Variants in PDLIM5 observed in about 807,000 individuals in gnomAD.
The protein encoded by PDLIM5 is PDZ and LIM domain protein 5.
A neutral mutation model predicts 64.2 loss-of-function variants in PDLIM5; 34 were observed. That is an observed-to-expected ratio of 0.53 (90% confidence interval 0.40 to 0.71). The LOEUF is 0.71. Among genes scored for constraint, PDLIM5 ranks in the 30% least tolerant of loss-of-function variants. The pLI, the probability that PDLIM5 is intolerant of heterozygous loss-of-function variation, is 0.00. For missense variants in PDLIM5, 683 were observed against 733.6 expected, an observed-to-expected ratio of 0.93 and a Z score of 0.80; for synonymous variants, 253 against 269.1, an observed-to-expected ratio of 0.94 and a Z score of 0.59.
chr4:94,452,950 C>G (rs1445491854), intron 1 of PDLIM5, among the ~76,000 whole-genome samples: 1 of 152,208 alleles, frequency 6.6e-6, no homozygotes, highest in Non-Finnish European at 1.5e-5. Flanking sequence ...CATTCTCTCT[C>G]CATTGCGGGG....
chr4:94,569,200 T>G (rs564510719), intron 3 of PDLIM5, among the ~76,000 whole-genome samples: 17 of 152,186 alleles, frequency 1.1e-4, no homozygotes, highest in Non-Finnish European at 2.1e-4. Flanking sequence ...TGACACTGAT[T>G]TTAGAAATTC....
chr4:94,526,242 T>C (rs1198294328), intron 3 of PDLIM5, among the ~76,000 whole-genome samples: 1 of 152,170 alleles, frequency 6.6e-6, no homozygotes, highest in African/African-American at 2.4e-5. Flanking sequence ...CCCATAAGAG[T>C]AGATAAAAAC....
chr4:94,461,201 T>G (rs138045976), intron 2 of PDLIM5, among the ~76,000 whole-genome samples: 1 of 152,352 alleles, frequency 6.6e-6, no homozygotes, highest in African/African-American at 2.4e-5. Context: ...GAATTATGTT[T>G]CAACTTTGGC....
chr4:94,624,790 C>G (rs894259848), intron 8 of PDLIM5, among the ~76,000 whole-genome samples: 2 of 152,058 alleles, frequency 1.3e-5, no homozygotes, highest in Admixed American at 1.3e-4. Flanking sequence ...TGTCTAGTGG[C>G]CCAGAGAGAA....
intron 7 of PDLIM5, chr4:94,587,130 CT>C (rs5860367): frequency 0.037 from 41,716 of 1,133,798 alleles, 948 homozygotes; most frequent in East Asian, 0.19. Flanking sequence ...TTTTCATTTA[CT>C]TTTTTTTTTT....
intron 7 of PDLIM5, among the ~76,000 whole-genome samples, chr4:94,590,416 G>A (rs1205324606): frequency 6.6e-6 from 1 of 152,112 alleles, no homozygotes; most frequent in African/African-American, 2.4e-5. Context: ...CTCATTGCCA[G>A]CATTCATTCT....
intron 2 of PDLIM5, among the ~76,000 whole-genome samples, chr4:94,463,517 A>C (rs1158275219): frequency 6.6e-6 from 1 of 152,214 alleles, no homozygotes; most frequent in African/African-American, 2.4e-5. Context: ...AAAGGACTTC[A>C]TTCTTGTCAT....
At chr4:94,479,359 C>T (rs1401471699) in intron 2 of PDLIM5, among the ~76,000 whole-genome samples, 22 of 129,798 alleles carry the variant, frequency 1.7e-4, no homozygotes, top group Admixed American at 5.4e-4. Flanking sequence ...GACAGGGTCT[C>T]ACTCTTGCCC....
At chr4:94,482,448 GTCA>G (rs1462750991) in intron 2 of PDLIM5, among the ~76,000 whole-genome samples, 1 of 152,132 alleles carries the variant, frequency 6.6e-6, no homozygotes, top group Non-Finnish European at 1.5e-5. Context: ...GCAAAGAGCT[GTCA>G]TCATTTTCGC....
chr4:94,476,129 T>G (rs2126099420), intron 2 of PDLIM5, among the ~76,000 whole-genome samples: 1 of 152,312 alleles, frequency 6.6e-6, no homozygotes, highest in East Asian at 1.9e-4. Context: ...GAATAAAGTA[T>G]GGATGCACTT....
intron 3 of PDLIM5, among the ~76,000 whole-genome samples, chr4:94,549,577 A>T (rs188081793): frequency 6.6e-6 from 1 of 152,356 alleles, no homozygotes; most frequent in Non-Finnish European, 1.5e-5. Context: ...TAATGGAACA[A>T]TATGTATTAT....
intron 4 of PDLIM5, among the ~76,000 whole-genome samples, chr4:94,574,086 A>G (rs1387480681): frequency 6.6e-6 from 1 of 152,230 alleles, no homozygotes; most frequent in East Asian, 1.9e-4. Context: ...AAATCTGAGA[A>G]TATCTGAAAT....
chr4:94,632,986 A>G (rs1484685523), intron 8 of PDLIM5, among the ~76,000 whole-genome samples: 2 of 152,230 alleles, frequency 1.3e-5, no homozygotes, highest in African/African-American at 2.4e-5. Context: ...AATTTGTTAC[A>G]GTGGCAATAG....
At chr4:94,507,822 C>T (rs890362502) in intron 2 of PDLIM5, among the ~76,000 whole-genome samples, 5 of 152,162 alleles carry the variant, frequency 3.3e-5, no homozygotes, top group South Asian at 2.1e-4. Flanking sequence ...AAAGCACTAA[C>T]GTAATGAGTG....
intron 7 of PDLIM5, chr4:94,610,412 G>T (rs74457440): frequency 3.8e-6 from 2 of 521,198 alleles, no homozygotes; most frequent in Non-Finnish European, 6.3e-6. Flanking sequence ...TAGCTCTATT[G>T]TGAGCTCTTA....
chr4:94,458,877 A>C (rs1199295480), intron 2 of PDLIM5, among the ~76,000 whole-genome samples: 3 of 152,200 alleles, frequency 2.0e-5, no homozygotes, highest in African/African-American at 7.2e-5. Context: ...TTCTAACATA[A>C]GATTGCCAGT....
intron 2 of PDLIM5, among the ~76,000 whole-genome samples, chr4:94,523,350 A>G (rs1698925838): frequency 6.6e-6 from 1 of 152,252 alleles, no homozygotes; most frequent in South Asian, 2.1e-4. Context: ...CTAAAAGAGT[A>G]TAAAAACCCC....
intron 7 of PDLIM5, among the ~76,000 whole-genome samples, chr4:94,601,189 C>G (rs145986033): frequency 8.3e-4 from 126 of 152,252 alleles, no homozygotes; most frequent in African/African-American, 2.8e-3. Context: ...AAGTCAAGAT[C>G]GAGGTACCTG....
At chr4:94,581,914 C>A (rs62316472) in intron 5 of PDLIM5, among the ~76,000 whole-genome samples, 2,678 of 152,262 alleles carry the variant, frequency 0.018, 34 homozygotes, top group Non-Finnish European at 0.026. Context: ...ATCAGACACG[C>A]CTTCTGGGCA....
Sources: gnomAD v4.1 joint callset for allele counts (sites outside exome capture counted in the v4.1 genomes callset) on GRCh38, gnomAD v4.1.1 for gene constraint, MANE v1.5 for transcripts, NCBI Gene and HGNC (gene_info 2026-07-23, HGNC 2026-07-21) for gene names.